Variants in NEIL3 observed in about 807,000 individuals in gnomAD.
NEIL3 encodes nei like DNA glycosylase 3.
In NEIL3, 48 loss-of-function variants were observed where a neutral mutation model predicts 57.5. The observed-to-expected ratio is 0.83, with a 90% CI of 0.66 to 1.06. The LOEUF is 1.06. NEIL3 is among the 50% of genes least tolerant of loss of function. The pLI is 0.00. For synonymous variants in NEIL3, 261 were observed against 253.2 expected, an observed-to-expected ratio of 1.03 and a Z score of -0.29; for missense variants, 717 against 739.1, an observed-to-expected ratio of 0.97 and a Z score of 0.35.
chr4:177,346,503 A>G (rs1735224021), intron 6 of NEIL3, among the ~76,000 whole-genome samples: 1 of 152,052 alleles, frequency 6.6e-6, no homozygotes, highest in Non-Finnish European at 1.5e-5. Flanking sequence ...ATCACTTCCC[A>G]TCTTTGTTCC....
intron 2 of NEIL3, among the ~76,000 whole-genome samples, chr4:177,335,118 C>T (rs745438104): frequency 4.6e-5 from 7 of 150,708 alleles, no homozygotes; most frequent in Non-Finnish European, 1.0e-4. Flanking sequence ...TAAGATTTTG[C>T]AAAAATAAAA....
downstream of NEIL3, among the ~76,000 whole-genome samples, chr4:177,363,671 G>A (rs753399758): frequency 7.9e-5 from 12 of 152,166 alleles, no homozygotes; most frequent in Non-Finnish European, 1.5e-4. Flanking sequence ...TTAATTACAC[G>A]GAAATGTAAG....
chr4:177,344,564 T>A (rs568208005), intron 6 of NEIL3, among the ~76,000 whole-genome samples: 14 of 152,078 alleles, frequency 9.2e-5, no homozygotes, highest in Admixed American at 9.2e-4. Context: ...CTTTTTTCTT[T>A]TTATTTGAGT....
At chr4:177,323,720 A>T (rs1294511412) in intron 2 of NEIL3, among the ~76,000 whole-genome samples, 1 of 152,180 alleles carries the variant, frequency 6.6e-6, no homozygotes, top group African/African-American at 2.4e-5. Flanking sequence ...GGATCTATGC[A>T]CGATAGTTGA....
At chr4:177,369,802 G>A in the NEIL3 span, among the ~76,000 whole-genome samples, 46 of 152,274 alleles carry the variant, frequency 3.0e-4, no homozygotes, top group Admixed American at 8.5e-4. Context: ...GTTAGATGGT[G>A]ACAATAACAG....
chr4:177,337,078 C>A (rs1734992673), intron 4 of NEIL3, among the ~76,000 whole-genome samples: 2 of 149,418 alleles, frequency 1.3e-5, no homozygotes, highest in African/African-American at 4.9e-5. Flanking sequence ...GAGACTTGAA[C>A]TTATTTATAT....
chr4:177,310,213 A>G (rs1368163311), intron 1 of NEIL3, 104 bp downstream of exon 1: 18 of 1,267,916 alleles, frequency 1.4e-5, no homozygotes, highest in Non-Finnish European at 1.9e-5. Flanking sequence ...GCTCTGGCCC[A>G]GGTTTCCTGG....
intron 4 of NEIL3, among the ~76,000 whole-genome samples, chr4:177,338,615 A>G (rs1240429901): frequency 1.3e-5 from 2 of 152,260 alleles, no homozygotes; most frequent in African/African-American, 4.8e-5. Context: ...ATTACCATTG[A>G]CGGCACATGT....
At chr4:177,363,125 A>G (rs1260380040), downstream of NEIL3, among the ~76,000 whole-genome samples, 1 of 152,092 alleles carries the variant, frequency 6.6e-6, no homozygotes, top group East Asian at 1.9e-4. Context: ...GTTGATTTAT[A>G]TTTTTCTAAC....
chr4:177,358,788 G>A (rs1735542306), intron 8 of NEIL3, among the ~76,000 whole-genome samples: 1 of 152,074 alleles, frequency 6.6e-6, no homozygotes, highest in South Asian at 2.1e-4. Flanking sequence ...TGGAACCCTG[G>A]AGCTCTCTAG....
At chr4:177,367,639 T>G (rs1735708592), downstream of NEIL3, among the ~76,000 whole-genome samples, 1 of 152,226 alleles carries the variant, frequency 6.6e-6, no homozygotes. Flanking sequence ...TTAGTCCTTA[T>G]GCTTAACTTG....
At chr4:177,351,206 C>CAAAAAAAAAAAAAAAAA (rs749430879) in intron 6 of NEIL3, among the ~76,000 whole-genome samples, 174 bp from the exon 7 acceptor site, 5 of 58,516 alleles carry the variant, frequency 8.5e-5, no homozygotes, top group East Asian at 8.0e-4. Flanking sequence ...CCCATCTCTA[C>CAAAAAAAAAAAAAAAAA]AAAAAAAAAA....
chr4:177,353,079 A>G (rs932842030), intron 7 of NEIL3, among the ~76,000 whole-genome samples: 1 of 152,092 alleles, frequency 6.6e-6, no homozygotes, highest in South Asian at 2.1e-4. Context: ...TGTTAAACCC[A>G]TGTCTGGGTT....
intron 8 of NEIL3, 113 bp downstream of exon 8, chr4:177,353,841 C>T (rs1400499644): frequency 2.6e-5 from 23 of 873,744 alleles, no homozygotes; most frequent in Non-Finnish European, 3.5e-5. Flanking sequence ...TCTCAGCTCA[C>T]TGCAACCTCT....
chr4:177,333,857 C>T (rs916361199), intron 2 of NEIL3, among the ~76,000 whole-genome samples: 5 of 150,906 alleles, frequency 3.3e-5, no homozygotes, highest in Non-Finnish European at 7.4e-5. Flanking sequence ...TCTGAATCAA[C>T]TGTATCAAAG....
chr4:177,336,439 G>A (rs982317352), intron 4 of NEIL3, 118 bp downstream of exon 4: 103 of 754,522 alleles, frequency 1.4e-4, no homozygotes, highest in South Asian at 6.0e-4. Context: ...CAGGTGTCCC[G>A]CTTCCCATTT....
chr4:177,369,858 C>T, the NEIL3 span, among the ~76,000 whole-genome samples: 4 of 152,102 alleles, frequency 2.6e-5, no homozygotes, highest in East Asian at 3.9e-4. Flanking sequence ...AAAATATCCA[C>T]GTGAAGGGTT....
At chr4:177,321,679 G>A (rs1350588735) in intron 1 of NEIL3, among the ~76,000 whole-genome samples, 1 of 152,084 alleles carries the variant, frequency 6.6e-6, no homozygotes, top group African/African-American at 2.4e-5. Context: ...GTTTGGTTTT[G>A]CAAGGCTGAT....
chr4:177,311,054 T>C (rs1429928718), intron 1 of NEIL3, among the ~76,000 whole-genome samples: 3 of 152,222 alleles, frequency 2.0e-5, no homozygotes, highest in African/African-American at 7.2e-5. Flanking sequence ...TGCCAGTAAG[T>C]ACTCTGTACC....
Sources: allele counts gnomAD v4.1 joint callset (sites outside exome capture counted in the v4.1 genomes callset), GRCh38; gene constraint gnomAD v4.1.1; transcripts MANE v1.5; gene names NCBI Gene and HGNC (gene_info 2026-07-23, HGNC 2026-07-21).